Variants in RIPOR2 observed in about 807,000 individuals in gnomAD.
RIPOR2 encodes the protein rho family-interacting cell polarization regulator 2.
RIPOR2 carries 39 observed loss-of-function variants against 114.5 expected under a neutral mutation model. The observed-to-expected ratio is 0.34, with a 90% CI of 0.26 to 0.44. The LOEUF (loss-of-function observed/expected upper bound fraction) is 0.44. Among genes scored for constraint, RIPOR2 ranks in the 20% least tolerant of loss-of-function variants. The pLI, the probability that RIPOR2 is intolerant of heterozygous loss-of-function variation, is 1.00. For missense variants in RIPOR2, 1,007 were observed against 1,255.1 expected, an observed-to-expected ratio of 0.80 and a Z score of 2.99; for synonymous variants, 445 against 484.4, an observed-to-expected ratio of 0.92 and a Z score of 1.07.
At chr6:24,843,665 C>A (rs1307418904) in intron 12 of RIPOR2, 111 bp from the exon 13 acceptor site, 8 of 737,792 alleles carry the variant, frequency 1.1e-5, no homozygotes, top group Non-Finnish European at 1.7e-5. Context: ...AAACCCAGAA[C>A]TTTCAGAATG....
At chr6:24,993,439 T>C (rs564208033) in intron 1 of RIPOR2, among the ~76,000 whole-genome samples, 1 of 152,366 alleles carries the variant, frequency 6.6e-6, no homozygotes, top group African/African-American at 2.4e-5. Flanking sequence ...GCTTGGTAGA[T>C]TTTCCTCCAT....
chr6:24,836,829 CACTCTCTCTCTCTCTCTG>C (rs1348628673), intron 14 of RIPOR2, among the ~76,000 whole-genome samples: 1 of 88,646 alleles, frequency 1.1e-5, no homozygotes, highest in Non-Finnish European at 3.4e-5. Flanking sequence ...CACACACACA[CACTCTCTCTCTCTCTCTG>C]TCTCTCTCTC....
chr6:25,015,497 G>A (rs1029470897), intron 1 of RIPOR2: 3 of 152,134 alleles, frequency 2.0e-5, no homozygotes, highest in Non-Finnish European at 4.4e-5. Flanking sequence ...CAGTCTACAC[G>A]GCACTACTGG....
At chr6:24,943,299 C>T (rs1772236314) in intron 1 of RIPOR2, among the ~76,000 whole-genome samples, 1 of 152,078 alleles carries the variant, frequency 6.6e-6, no homozygotes, top group Non-Finnish European at 1.5e-5. Flanking sequence ...AATGAGAACA[C>T]TTGGACACAG....
At chr6:25,036,425 G>A (rs160035) in intron 1 of RIPOR2, among the ~76,000 whole-genome samples, 8,980 of 152,024 alleles carry the variant, frequency 0.059, 286 homozygotes, top group Non-Finnish European at 0.068. Flanking sequence ...CAGCATTTGC[G>A]CTGTCACCTA....
At chr6:24,910,767 G>A in intron 1 of RIPOR2, 1 of 977,416 alleles carries the variant, frequency 1.0e-6, no homozygotes, top group Non-Finnish European at 1.2e-6. Context: ...ACCTCACCGC[G>A]TTGTACGCAA....
At chr6:24,926,420 C>T (rs987006499) in intron 1 of RIPOR2, among the ~76,000 whole-genome samples, 3 of 152,112 alleles carry the variant, frequency 2.0e-5, no homozygotes, top group East Asian at 1.9e-4. Flanking sequence ...AATTTTCAGG[C>T]GGAGACCAGA....
intron 13 of RIPOR2, among the ~76,000 whole-genome samples, chr6:24,840,949 T>C (rs949753711): frequency 6.6e-6 from 1 of 152,216 alleles, no homozygotes. Flanking sequence ...AGGGTCTTTT[T>C]TCCTAAGCAA....
intron 1 of RIPOR2, among the ~76,000 whole-genome samples, chr6:25,032,974 A>G (rs1777062829): frequency 1.3e-5 from 2 of 152,204 alleles, no homozygotes. Context: ...GGAGGCCAAG[A>G]TGGGAAAATT....
At chr6:24,950,194 A>AT (rs1447858616) in intron 1 of RIPOR2, among the ~76,000 whole-genome samples, 3 of 152,236 alleles carry the variant, frequency 2.0e-5, no homozygotes, top group Non-Finnish European at 4.4e-5. Context: ...GGTTTCTAGT[A>AT]AAAACTTTAT....
At chr6:24,922,518 A>G (rs1226192332) in intron 1 of RIPOR2, among the ~76,000 whole-genome samples, 1 of 147,652 alleles carries the variant, frequency 6.8e-6, no homozygotes, top group Non-Finnish European at 1.5e-5. Flanking sequence ...ATTGCCTGGT[A>G]CTTTCCTGTT....
intron 1 of RIPOR2, among the ~76,000 whole-genome samples, chr6:24,904,280 A>C (rs930288980): frequency 1.4e-4 from 21 of 152,318 alleles, no homozygotes; most frequent in East Asian, 5.8e-4. Context: ...CGGCGGCTCG[A>C]GGAGAAAATC....
At chr6:24,881,698 C>A (rs1256562761) in intron 1 of RIPOR2, among the ~76,000 whole-genome samples, 1 of 152,084 alleles carries the variant, frequency 6.6e-6, no homozygotes, top group Non-Finnish European at 1.5e-5. Flanking sequence ...TTTACATGTT[C>A]TTGTATGAAT....
At chr6:24,970,788 G>T (rs371847) in intron 1 of RIPOR2, among the ~76,000 whole-genome samples, 3 of 152,084 alleles carry the variant, frequency 2.0e-5, no homozygotes, top group Non-Finnish European at 4.4e-5. Context: ...AGATTTCCAT[G>T]GAGTTTATGT....
At chr6:24,989,301 C>T (rs372420597) in intron 1 of RIPOR2, among the ~76,000 whole-genome samples, 1 of 145,998 alleles carries the variant, frequency 6.8e-6, no homozygotes, top group African/African-American at 2.5e-5. Context: ...TTGTCTTTTT[C>T]TTTTTTTTTT....
At chr6:24,997,818 G>C (rs1249933279) in intron 1 of RIPOR2, among the ~76,000 whole-genome samples, 1 of 152,180 alleles carries the variant, frequency 6.6e-6, no homozygotes, top group Non-Finnish European at 1.5e-5. Context: ...AGTGATTCCC[G>C]AAGTGTGGCC....
In RIPOR2 at chr6:25,005,738, T is replaced by TATAC. The variant is rs1554130561; in HGVS notation, c.76+36109_76+36112dup. Among the ~76,000 whole-genome samples the TATAC allele has an allele frequency of 9.4e-3, 664 of 70,668 alleles. 106 individuals are homozygous for TATAC. Among genetic ancestry groups the TATAC allele is most frequent in the Middle Eastern group, 0.016 (2 of 128 alleles). The allele number at this position is 70,668 out of a possible 152,430, so 46.4% of individuals were successfully genotyped here. Reference sequence around the variant, plus strand: ...ATATATATATATATATATATATATATATACATTTACCGATCAAAAGATATG... The same window carrying TATAC: ...ATATATATATATATATATATATATATATACATACATTTACCGATCAAAAGATATG... On this transcript the variant is annotated intron_variant, in intron 1 of 13. Coordinates refer to the RIPOR2 transcript ENST00000510784.
intron 1 of RIPOR2, among the ~76,000 whole-genome samples, chr6:25,005,403 C>G (rs1204827105): frequency 6.6e-6 from 1 of 152,098 alleles, no homozygotes; most frequent in African/African-American, 2.4e-5. Flanking sequence ...GCGACCTGCA[C>G]AGACCTGCAG....
chr6:25,031,702 TATATATATATA>T (rs1776956277), intron 1 of RIPOR2, among the ~76,000 whole-genome samples: 2 of 1,402 alleles, frequency 1.4e-3, no homozygotes, highest in Non-Finnish European at 5.0e-3. Flanking sequence ...GTGGTAGTTA[TATATATATATA>T]TATATATATA....
Sources: allele counts gnomAD v4.1 joint callset (sites outside exome capture counted in the v4.1 genomes callset), GRCh38; gene constraint gnomAD v4.1.1; transcripts MANE v1.5; gene names NCBI Gene and HGNC (gene_info 2026-07-23, HGNC 2026-07-21).